The following EPN2 variants were observed in gnomAD, a reference collection of about 807,000 sequenced individuals.
EPN2 encodes the protein epsin 2, also known as epsin-2.
EPN2 carries 34 observed loss-of-function variants against 61.7 expected under a neutral mutation model. That is an observed-to-expected ratio of 0.55 (90% CI 0.42 to 0.73). The LOEUF (loss-of-function observed/expected upper bound fraction) is 0.73. Ranked by LOEUF, EPN2 falls within the 30% of genes least tolerant of loss-of-function variation. EPN2 has a pLI of 0.00. For synonymous variants in EPN2, 349 were observed against 353.6 expected, an observed-to-expected ratio of 0.99 and a Z score of 0.15; for missense variants, 714 against 839.2, an observed-to-expected ratio of 0.85 and a Z score of 1.84.
intron 6 of EPN2, 37 bp downstream of exon 6, chr17:19,312,181 T>G: frequency 6.8e-7 from 1 of 1,472,744 alleles, no homozygotes; most frequent in Non-Finnish European, 9.5e-7. Context: ...TTTCACCCTG[T>G]CCTGTAGTTG....
chr17:19,254,599 T>C (rs886777542), intron 1 of EPN2, among the ~76,000 whole-genome samples: 1 of 152,084 alleles, frequency 6.6e-6, no homozygotes, highest in Non-Finnish European at 1.5e-5. Context: ...TGTTAGTATG[T>C]AAGGGACTTA....
chr17:19,295,543 G>C (rs909688212), intron 4 of EPN2, among the ~76,000 whole-genome samples: 2 of 151,840 alleles, frequency 1.3e-5, no homozygotes, highest in African/African-American at 4.8e-5. Context: ...AGAAAAAAAA[G>C]AAAAGAAAAG....
At position 19,336,110 on chromosome 17, in the gene EPN2, TC is replaced by T. The variant is rs1262205564; in HGVS notation, c.*1858del. The T allele has an allele frequency of 1.3e-5, 2 of 152,254 alleles. No homozygotes were observed. The highest frequency in any genetic ancestry group is 2.4e-5 in the African/African-American group (1 of 41,452). The allele number at this position is 152,254 out of a possible 1,614,324, so 9.4% of individuals were successfully genotyped here. A position where few individuals can be genotyped will look rare whatever the true frequency, so the allele number is the denominator to read the frequency against. Reference sequence around the variant, plus strand: ...TGGGGACTGCACCCACTCATGCTGTTCCTGAGGCCGCCCTCTCCAGTCCCAG... The same window carrying T: ...TGGGGACTGCACCCACTCATGCTGTTCTGAGGCCGCCCTCTCCAGTCCCAG... On this transcript the variant is annotated 3_prime_UTR_variant, in exon 11 of 11. Transcript: ENST00000314728.
intron 1 of EPN2, among the ~76,000 whole-genome samples, chr17:19,243,901 T>G (rs1433773572): frequency 1.3e-5 from 2 of 152,100 alleles, no homozygotes; most frequent in African/African-American, 4.8e-5. Flanking sequence ...GGGACCAAAT[T>G]TGGGAACCTT....
chr17:19,268,234 C>A (rs1768795360), intron 1 of EPN2, among the ~76,000 whole-genome samples: 1 of 152,212 alleles, frequency 6.6e-6, no homozygotes, highest in Non-Finnish European at 1.5e-5. Flanking sequence ...TTTTGTTGCT[C>A]CCCCAGTCTA....
intron 8 of EPN2, 46 bp downstream of exon 8, chr17:19,328,933 C>A: frequency 6.5e-7 from 1 of 1,548,792 alleles, no homozygotes; most frequent in Non-Finnish European, 8.8e-7. Context: ...TCTGAGCGCC[C>A]ACGGGCCCTG....
Position 19,309,321 on chromosome 17 carries a change from G to A in EPN2, c.767-564G>A, listed in dbSNP as rs373259420. Among the ~76,000 whole-genome samples, 160 of 152,242 alleles carry A rather than the reference G, an allele frequency of 1.1e-3. 2 individuals are homozygous for A. The South Asian group carries it at 0.032, about 30-fold the overall frequency. ...AATTTTTGTATTTTTAGTAGAGATG[G>A]CGTTTCACCATGTTGGCCAGGATGG... On this transcript the variant is annotated intron_variant, in intron 4 of 10. Coordinates refer to ENST00000314728, the MANE Select transcript of EPN2 (RefSeq NM_014964.5).
rs536687215 is a variant in EPN2 at position 19,300,504 on chromosome 17, C to G, written c.767-9381C>G. 1.2e-4 allele frequency among the ~76,000 whole-genome samples: 17 copies of G among 145,080 alleles called. No individual in the cohort carries two copies. In the Admixed American group the frequency reaches 1.2e-3, roughly 10 times the overall value. On this transcript the variant is annotated intron_variant, in intron 4 of 10. Coordinates refer to ENST00000314728, the MANE Select transcript of EPN2 (RefSeq NM_014964.5). ...AGTGCAGTGGTGCAATCTCGGCTCA[C>G]TGCAGCCTCCGCCTCCTGGGTTCAG... is the stretch of plus-strand genomic sequence containing the variant.
At position 19,331,798 on chromosome 17, in the gene EPN2, A is replaced by C. The variant is rs1260657538; in HGVS notation, c.1412-55A>C. ...AGGCCATGTTTTGTGTTAAGTACAC[A>C]GTCTTAGGCTCTCCCTGCCACACTC... is the stretch of plus-strand genomic sequence containing the variant. On this transcript the variant is annotated intron_variant, in intron 9 of 10. Transcript: ENST00000314728. 3.4e-6 allele frequency: 5 copies of C among 1,480,818 alleles called. No individual in the cohort carries two copies. In the Admixed American group the frequency reaches 6.7e-5, roughly 20 times the overall value. 91.7% of individuals were successfully genotyped at this position (1,480,818 alleles called of 1,614,324 possible).
At position 19,285,872 on chromosome 17, in the gene EPN2, ACT is replaced by A; in HGVS notation, c.766+88_766+89del. 1 of 1,428,882 alleles carries A rather than the reference ACT, an allele frequency of 7.0e-7. No homozygotes were observed. Among genetic ancestry groups the A allele is most frequent in the Non-Finnish European group, 9.2e-7 (1 of 1,081,092 alleles). The allele number at this position is 1,428,882 out of a possible 1,614,324, so 88.5% of individuals were successfully genotyped here. A position where few individuals can be genotyped will look rare whatever the true frequency, so the allele number is the denominator to read the frequency against. On this transcript the variant is annotated intron_variant, in intron 4 of 10. Coordinates refer to ENST00000314728, the MANE Select transcript of EPN2 (RefSeq NM_014964.5). This position sits in a 1 kb window ranked among gnomAD's most constrained non-coding sequence, Gnocchi z 4.5. ...TGTGCTTGCCATGCCAGTACAGCCA[ACT>A]CTCTCCCTGTCTCCTCTGGGCCTGG...
rs1907281866 is a variant in EPN2 at position 19,333,984 on chromosome 17, C to T, written c.1656C>T (p.Asn552=). 6.3e-7 allele frequency: 1 copy of T among 1,575,998 alleles called. No homozygotes were observed. The highest frequency in any genetic ancestry group is 1.3e-5 in the African/African-American group (1 of 74,228). Residue 552 remains asparagine, a synonymous_variant, in exon 11 of 11, where the codon AAC becomes AAT. Coordinates refer to ENST00000314728, the MANE Select transcript of EPN2 (RefSeq NM_014964.5). ...PGAPATSAPV[N]PFQVNQPQPL... The stretch of plus-strand genomic sequence containing the variant: ...CTCCCGCCACCTCGGCCCCTGTTAA[C>T]CCTTTCCAGGTGAACCAGCCCCAGC...
At chr17:19,251,219 T>C (rs1199403951) in intron 1 of EPN2, among the ~76,000 whole-genome samples, 1 of 152,208 alleles carries the variant, frequency 6.6e-6, no homozygotes, top group Non-Finnish European at 1.5e-5. Context: ...GGGAATGCCA[T>C]GGGGACTCCT....
chr17:19,305,998 A>G (rs1256112855), intron 4 of EPN2: 1 of 152,242 alleles, frequency 6.6e-6, no homozygotes, highest in Non-Finnish European at 1.5e-5. Context: ...AGTGGGGTTC[A>G]TAATGCAAAA....
intron 4 of EPN2, among the ~76,000 whole-genome samples, chr17:19,289,074 GT>G (rs1162172422): frequency 4.9e-3 from 337 of 68,680 alleles, no homozygotes; most frequent in African/African-American, 0.021. Context: ...TTCTGGGTAT[GT>G]TTTTTTTTTT....
rs776701140 is a variant in EPN2 at position 19,334,084 on chromosome 17, G to A, written c.1756G>A (p.Glu586Lys). 3.1e-6 allele frequency: 5 copies of A among 1,610,178 alleles called. No homozygotes were observed. Among genetic ancestry groups the A allele is most frequent in the Non-Finnish European group, 3.4e-6 (4 of 1,178,348 alleles). ...STSFGPGPGV[E>K]SMAVASMTSA... The stretch of plus-strand genomic sequence containing the variant: ...ATCCTTTGGGCCTGGCCCAGGAGTG[G>A]AGTCCATGGCTGTGGCCTCGATGAC... Residue 586 changes from glutamate to lysine, a missense_variant, in exon 11 of 11, where the codon GAG (glutamate) becomes AAG (lysine). Coordinates refer to ENST00000314728, the MANE Select transcript of EPN2 (RefSeq NM_014964.5). The surrounding 1 kb of genome is among the most constrained non-coding windows in gnomAD (Gnocchi z 4.9).
Position 19,276,773 on chromosome 17 carries a change from G to GTT in EPN2, c.-293-5165_-293-5164dup, listed in dbSNP as rs80078595. ...GTCAGTATGTAATTTATGAGAATAA[G>GTT]TTTTTTTTTTTTTTTTTTGCTGTAT... On this transcript the variant is annotated intron_variant, in intron 1 of 10. Coordinates refer to ENST00000314728, the MANE Select transcript of EPN2 (RefSeq NM_014964.5). Among the ~76,000 whole-genome samples, 532 of 119,304 alleles carry GTT rather than the reference G, an allele frequency of 4.5e-3. 8 individuals are homozygous for GTT. The highest frequency in any genetic ancestry group is 0.029 in the East Asian group (119 of 4,058). 78.3% of individuals were successfully genotyped at this position (119,304 alleles called of 152,430 possible).
intron 7 of EPN2, among the ~76,000 whole-genome samples, chr17:19,324,275 C>T (rs929785282): frequency 1.3e-5 from 2 of 152,170 alleles, no homozygotes; most frequent in African/African-American, 4.8e-5. Flanking sequence ...ATTTTAAGAA[C>T]ACTTCTAAAT....
At chr17:19,256,745 C>T (rs1486943602) in intron 1 of EPN2, among the ~76,000 whole-genome samples, 9 of 152,140 alleles carry the variant, frequency 5.9e-5, no homozygotes, top group Non-Finnish European at 8.8e-5. Flanking sequence ...CTGTGAAGTC[C>T]ATGGGCCTGT....
intron 1 of EPN2, among the ~76,000 whole-genome samples, chr17:19,270,575 C>T (rs543252194): frequency 6.6e-6 from 1 of 152,284 alleles, no homozygotes; most frequent in South Asian, 2.1e-4. Context: ...TATTTGGACA[C>T]CTCTTATTTG....
Sources: gnomAD v4.1 joint callset for allele counts (sites outside exome capture counted in the v4.1 genomes callset) on GRCh38, gnomAD v4.1.1 for gene constraint, Gnocchi (gnomAD v3.1) non-coding constraint, MANE v1.5 for transcripts, NCBI Gene and HGNC (gene_info 2026-07-23, HGNC 2026-07-21) for gene names.